The following GJA1 variants were observed in gnomAD, a reference collection of about 807,000 sequenced individuals.
GJA1 encodes gap junction alpha-1 protein.
Under a neutral mutation model 31.0 loss-of-function variants are expected in GJA1, and 9 were observed. The observed-to-expected ratio is 0.29, with a 90% CI of 0.17 to 0.51. GJA1 has a LOEUF of 0.51. Among genes scored for constraint, GJA1 ranks in the 20% least tolerant of loss-of-function variants. The pLI is 0.98. For missense variants in GJA1, 278 were observed against 468.8 expected, an observed-to-expected ratio of 0.59 and a Z score of 3.76; for synonymous variants, 186 against 180.1, an observed-to-expected ratio of 1.03 and a Z score of -0.26.
intron 1 of GJA1, among the ~76,000 whole-genome samples, chr6:121,437,311 A>G (rs1470611804): frequency 6.6e-6 from 1 of 151,320 alleles, no homozygotes; most frequent in Non-Finnish European, 1.5e-5. Context: ...GGTTGATTTA[A>G]TTAAAGTTGT....
At position 121,448,348 on chromosome 6, in the gene GJA1, T is replaced by C. The variant is rs1193128978; in HGVS notation, c.*352T>C. On this transcript the variant is annotated 3_prime_UTR_variant, in exon 2 of 2. Transcript: ENST00000282561. ...TGTATGTGAATGAGCGGGTGGTAATTGTGGCTAAATATTTTTGTTTTACCA... is the reference window on the plus strand; with the variant it reads ...TGTATGTGAATGAGCGGGTGGTAATCGTGGCTAAATATTTTTGTTTTACCA... The C allele has an allele frequency of 1.0e-5, 3 of 287,208 alleles. No homozygotes were observed. The highest frequency in any genetic ancestry group is 2.1e-5 in the Non-Finnish European group (3 of 141,498). The allele number at this position is 287,208 out of a possible 1,614,324, so 17.8% of individuals were successfully genotyped here.
At chr6:121,436,698 A>G (rs992267374) in intron 1 of GJA1, among the ~76,000 whole-genome samples, 5 of 152,036 alleles carry the variant, frequency 3.3e-5, no homozygotes, top group African/African-American at 1.2e-4. Flanking sequence ...GAGCTCCTAG[A>G]AAGAGCAGGA....
intron 1 of GJA1, among the ~76,000 whole-genome samples, chr6:121,437,678 C>T (rs1236517959): frequency 6.6e-6 from 1 of 152,058 alleles, no homozygotes; most frequent in East Asian, 1.9e-4. Context: ...TAACGCTCAT[C>T]GATAAGCTCT....
chr6:121,441,392 C>G (rs533124504), intron 1 of GJA1, among the ~76,000 whole-genome samples: 2 of 152,236 alleles, frequency 1.3e-5, no homozygotes, highest in South Asian at 4.1e-4. Context: ...CTTACTCTTT[C>G]AAGCACTGGG....
intron 1 of GJA1, among the ~76,000 whole-genome samples, chr6:121,442,809 C>G (rs1773815732): frequency 6.6e-6 from 1 of 152,134 alleles, no homozygotes; most frequent in African/African-American, 2.4e-5. Flanking sequence ...TCCATCCAGT[C>G]TAGGGGGCCA....
In GJA1 at chr6:121,444,520, T is replaced by C. The variant is rs1773851965; in HGVS notation, c.-16-2312T>C. 1.3e-5 allele frequency among the ~76,000 whole-genome samples: 2 copies of C among 152,174 alleles called. 1 individual carries two copies. Among genetic ancestry groups the C allele is most frequent in the South Asian group, 4.1e-4 (2 of 4,830 alleles). On this transcript the variant is annotated intron_variant, in intron 1 of 1. Coordinates refer to ENST00000282561, the MANE Select transcript of GJA1 (RefSeq NM_000165.5). ...AGGTGCCCATTTCATTTTTTCTTGTTCTCTATGGCCAGAAGATGCAGTCAT... is the reference window on the plus strand; with the variant it reads ...AGGTGCCCATTTCATTTTTTCTTGTCCTCTATGGCCAGAAGATGCAGTCAT...
Position 121,448,000 on chromosome 6 carries a change from C to G in GJA1, c.*4C>G, listed in dbSNP as rs1773919919. ...GCCTGATGACCTGGAGATCTAGATA[C>G]AGGCTTGAAAGCATCAAGATTCCAC... On this transcript the variant is annotated 3_prime_UTR_variant, in exon 2 of 2. Transcript: ENST00000282561. 1.9e-6 allele frequency: 3 copies of G among 1,600,626 alleles called. No individual in the cohort carries two copies. The highest frequency in any genetic ancestry group is 2.6e-6 in the Non-Finnish European group (3 of 1,168,304).
At chr6:121,437,682 A>G (rs989673185) in intron 1 of GJA1, among the ~76,000 whole-genome samples, 3 of 151,980 alleles carry the variant, frequency 2.0e-5, no homozygotes, top group Non-Finnish European at 4.4e-5. Context: ...GCTCATCGAT[A>G]AGCTCTCCTT....
At chr6:121,438,657 GAT>G (rs1394345453) in intron 1 of GJA1, among the ~76,000 whole-genome samples, 1 of 152,184 alleles carries the variant, frequency 6.6e-6, no homozygotes, top group African/African-American at 2.4e-5. Context: ...TATTTGAAGA[GAT>G]GTGTGGGAGC....
rs534316459 is a variant in GJA1, at chr6:121,449,402, G to A, written c.*1406G>A. Reference sequence around the variant, plus strand: ...CACTAAGATTTTATTTGGAATGCAAGAGAGGTTGAAAGAGGATTCAGTAGT... The same window carrying A: ...CACTAAGATTTTATTTGGAATGCAAAAGAGGTTGAAAGAGGATTCAGTAGT... On this transcript the variant is annotated 3_prime_UTR_variant, in exon 2 of 2. Coordinates refer to ENST00000282561, the MANE Select transcript of GJA1 (RefSeq NM_000165.5). 7.8e-5 allele frequency: 13 copies of A among 167,188 alleles called. No individual in the cohort carries two copies. The highest frequency in any genetic ancestry group is 3.1e-4 in the African/African-American group (13 of 41,574). 10.4% of individuals were successfully genotyped at this position (167,188 alleles called of 1,614,324 possible).
intron 1 of GJA1, among the ~76,000 whole-genome samples, chr6:121,438,675 C>G (rs760422567): frequency 9.9e-5 from 15 of 152,028 alleles, no homozygotes; most frequent in Admixed American, 2.0e-4. Flanking sequence ...GGAGCTTATC[C>G]GCACACACCA....
intron 1 of GJA1, among the ~76,000 whole-genome samples, chr6:121,442,458 G>T (rs902055375): frequency 3.9e-5 from 6 of 152,204 alleles, no homozygotes; most frequent in African/African-American, 1.4e-4. Flanking sequence ...GTGACAAGGG[G>T]CTGTGGAGCC....
rs1773925601 is a variant in GJA1, at chr6:121,448,359, A to T, written c.*363A>T. The T allele has an allele frequency of 3.7e-6, 1 of 271,338 alleles. No homozygotes were observed. Among genetic ancestry groups the T allele is most frequent in the Admixed American group, 4.9e-5 (1 of 20,316 alleles). The allele number at this position is 271,338 out of a possible 1,614,324, so 16.8% of individuals were successfully genotyped here. A position where few individuals can be genotyped will look rare whatever the true frequency, so the allele number is the denominator to read the frequency against. On this transcript the variant is annotated 3_prime_UTR_variant, in exon 2 of 2. Coordinates refer to ENST00000282561, the MANE Select transcript of GJA1 (RefSeq NM_000165.5). ...GAGCGGGTGGTAATTGTGGCTAAAT[A>T]TTTTTGTTTTACCAAGAAACTGAAA...
At chr6:121,444,403 A>T (rs1773849830) in intron 1 of GJA1, among the ~76,000 whole-genome samples, 1 of 152,110 alleles carries the variant, frequency 6.6e-6, no homozygotes, top group Admixed American at 6.5e-5. Flanking sequence ...CATCAAATGT[A>T]CCCATGATAC....
chr6:121,441,098 A>G (rs774297841), intron 1 of GJA1, among the ~76,000 whole-genome samples: 19 of 151,998 alleles, frequency 1.3e-4, no homozygotes, highest in Non-Finnish European at 2.4e-4. Flanking sequence ...GCCCGCCACC[A>G]CGCCCGGCTA....
chr6:121,447,367 T>G lies in GJA1; in HGVS notation c.520T>G (p.Trp174Gly). ...IFEVAFLLIQ[W>G]YIYGFSLSAV... is the part of the protein sequence containing the mutation. Reference sequence around the variant, plus strand: ...TGAGGTGGCCTTCTTGCTGATCCAGTGGTACATCTATGGATTCAGCTTGAG... The same window carrying G: ...TGAGGTGGCCTTCTTGCTGATCCAGGGGTACATCTATGGATTCAGCTTGAG... The change falls in exon 2 of 2, where the codon TGG (tryptophan) becomes GGG (glycine). Residue 174 changes from tryptophan (W) to glycine (G), a missense_variant. This residue lies in a region of GJA1 where 80 missense variants were observed against 163.5 expected (regional missense o/e 0.49). Transcript: ENST00000282561. 1 of 1,614,026 alleles carries G rather than the reference T, an allele frequency of 6.2e-7. No homozygotes were observed. Among genetic ancestry groups the G allele is most frequent in the Non-Finnish European group, 8.5e-7 (1 of 1,179,948 alleles).
intron 1 of GJA1, among the ~76,000 whole-genome samples, chr6:121,441,559 A>T (rs1014443516): frequency 2.0e-5 from 3 of 152,168 alleles, no homozygotes; most frequent in African/African-American, 4.8e-5. Context: ...ATAATTTTTT[A>T]AAAACCAGGG....
At chr6:121,439,557 T>C (rs1481088388) in intron 1 of GJA1, among the ~76,000 whole-genome samples, 2 of 152,216 alleles carry the variant, frequency 1.3e-5, no homozygotes, top group Non-Finnish European at 2.9e-5. Context: ...TAGCCCTAAA[T>C]TGATCTTGAG....
intron 1 of GJA1, among the ~76,000 whole-genome samples, chr6:121,441,743 T>TA (rs1773795552): frequency 6.6e-6 from 1 of 152,070 alleles, no homozygotes. Context: ...CAAGATTGAC[T>TA]GATTACTCGG....
Sources: gnomAD v4.1 joint callset for allele counts (sites outside exome capture counted in the v4.1 genomes callset) on GRCh38, gnomAD v4.1.1 for gene constraint, gnomAD v4.1.1 regional missense constraint, MANE v1.5 for transcripts, NCBI Gene and HGNC (gene_info 2026-07-23, HGNC 2026-07-21) for gene names.